Variants in ALK observed in about 807,000 individuals in gnomAD.
ALK encodes ALK tyrosine kinase receptor.
In ALK, 74 loss-of-function variants were observed where a neutral mutation model predicts 163.1. The observed-to-expected ratio is 0.45, with a 90% CI of 0.38 to 0.55. The LOEUF is 0.55. Among genes scored for constraint, ALK ranks in the 20% least tolerant of loss-of-function variants. The pLI is 0.00. For missense variants in ALK, 2,063 were observed against 2,105.3 expected, an observed-to-expected ratio of 0.98 and a Z score of 0.39; for synonymous variants, 960 against 843.2, an observed-to-expected ratio of 1.14 and a Z score of -2.40.
chr2:29,876,736 T>C (rs1666731467), intron 1 of ALK, among the ~76,000 whole-genome samples: 1 of 151,384 alleles, frequency 6.6e-6, no homozygotes, highest in Non-Finnish European at 1.5e-5. Context: ...ATGATGGTGG[T>C]GATGGTAATG....
At chr2:29,836,475 T>C (rs1464046087) in intron 1 of ALK, among the ~76,000 whole-genome samples, 1 of 152,174 alleles carries the variant, frequency 6.6e-6, no homozygotes, top group Non-Finnish European at 1.5e-5. Flanking sequence ...GTGTCAGCAA[T>C]AAGTGTTCAC....
chr2:29,526,303 T>G (rs1672958971), intron 4 of ALK, among the ~76,000 whole-genome samples: 1 of 152,166 alleles, frequency 6.6e-6, no homozygotes, highest in South Asian at 2.1e-4. Flanking sequence ...ATATTGTGTG[T>G]GAAGAATTTC....
At chr2:29,352,829 A>G (rs1668153695) in intron 5 of ALK, among the ~76,000 whole-genome samples, 1 of 152,270 alleles carries the variant, frequency 6.6e-6, no homozygotes, top group Non-Finnish European at 1.5e-5. Flanking sequence ...TGCAAAAATC[A>G]TAACTGATAA....
chr2:29,920,627 C>T lies in ALK; in HGVS notation c.33G>A (p.Pro11=), dbSNP rs774442098. Residue 11 remains proline (P), a synonymous_variant, in exon 1 of 29, where the codon CCG becomes CCA. Transcript: ENST00000389048. MGAIGLLWLL[P]LLLSTAAVGS... ...CCACAGCTGCCGTGGAAAGCAGCAG[C>T]GGCAGGAGCCACAGGAGCCCGATGG... 2 of 1,543,966 alleles carry T rather than the reference C, an allele frequency of 1.3e-6. No homozygotes were observed. Among genetic ancestry groups the T allele is most frequent in the South Asian group, 1.2e-5 (1 of 84,856 alleles).
intron 4 of ALK, among the ~76,000 whole-genome samples, chr2:29,525,803 A>G (rs2148152770): frequency 6.6e-6 from 1 of 151,700 alleles, no homozygotes; most frequent in South Asian, 2.1e-4. Flanking sequence ...AAAAAAAAAA[A>G]AAAAAAAAAA....
At chr2:29,622,353 G>A (rs1676060090) in intron 3 of ALK, among the ~76,000 whole-genome samples, 1 of 152,076 alleles carries the variant, frequency 6.6e-6, no homozygotes. Flanking sequence ...AATCATAATG[G>A]GAGGCAAAAG....
intron 9 of ALK, among the ~76,000 whole-genome samples, chr2:29,290,394 T>C (rs1013724504): frequency 2.0e-5 from 3 of 152,210 alleles, no homozygotes; most frequent in African/African-American, 7.2e-5. Context: ...TCAGCCAGCT[T>C]GTCCAGCAGA....
intron 1 of ALK, among the ~76,000 whole-genome samples, chr2:29,914,826 A>G (rs897285751): frequency 2.0e-5 from 3 of 152,172 alleles, no homozygotes; most frequent in Admixed American, 1.3e-4. Flanking sequence ...TGATTCCCTT[A>G]GTGGAAAGAA....
At chr2:29,690,552 C>A (rs554896215) in intron 3 of ALK, among the ~76,000 whole-genome samples, 21 of 152,168 alleles carry the variant, frequency 1.4e-4, no homozygotes, top group Non-Finnish European at 2.5e-4. Context: ...ACACCGGAAG[C>A]AGTTAGACAT....
At chr2:29,534,543 TG>T (rs2148160914) in intron 3 of ALK, among the ~76,000 whole-genome samples, 1 of 152,320 alleles carries the variant, frequency 6.6e-6, no homozygotes, top group African/African-American at 2.4e-5. Flanking sequence ...AACTGTGTCC[TG>T]GTCTGAGACC....
chr2:29,383,813 G>A lies in ALK; in HGVS notation c.1201C>T (p.Arg401Ter), dbSNP rs865931787. 1.2e-6 allele frequency: 2 copies of A among 1,614,126 alleles called. No individual in the cohort carries two copies. Among genetic ancestry groups the A allele is most frequent in the Non-Finnish European group, 1.7e-6 (2 of 1,179,986 alleles). Reference protein sequence around the residue: ...GRIGRPDNPFRVALEYISSGN... With the variant: ...GRIGRPDNPF ...CTGGAGATGTATTCCAGGGCCACTC[G>A]AAATGGGTTGTCTGGACGCCCGATT... Residue 401 changes from arginine to a stop codon, truncating the protein, a stop_gained, in exon 5 of 29, where the codon CGA becomes TGA. Coordinates refer to ENST00000389048, the MANE Select transcript of ALK (RefSeq NM_004304.5). LOFTEE classifies it high-confidence loss of function.
chr2:29,875,532 G>A (rs528987241), intron 1 of ALK, among the ~76,000 whole-genome samples: 3 of 152,056 alleles, frequency 2.0e-5, no homozygotes, highest in Admixed American at 6.6e-5. Context: ...CATCATCTAG[G>A]TTTTAAGCCC....
intron 1 of ALK, among the ~76,000 whole-genome samples, chr2:29,732,900 G>GT (rs70962236): frequency 3.9e-3 from 568 of 146,656 alleles, no homozygotes; most frequent in African/African-American, 0.013. Context: ...TAGTCTATAG[G>GT]TTTTTTTTTT....
intron 23 of ALK, among the ~76,000 whole-genome samples, chr2:29,216,895 TGTGA>T (rs1340155697): frequency 1.4e-5 from 2 of 141,608 alleles, no homozygotes; most frequent in South Asian, 4.7e-4. Context: ...TGTGATTGGT[TGTGA>T]GTATATGTGG....
intron 3 of ALK, among the ~76,000 whole-genome samples, chr2:29,690,516 A>G (rs980972699): frequency 6.6e-6 from 1 of 152,178 alleles, no homozygotes; most frequent in African/African-American, 2.4e-5. Flanking sequence ...ACTGGAGAAG[A>G]AAAATACCTT....
At chr2:29,575,804 C>G (rs1405434228) in intron 3 of ALK, among the ~76,000 whole-genome samples, 1 of 152,152 alleles carries the variant, frequency 6.6e-6, no homozygotes, top group Non-Finnish European at 1.5e-5. Context: ...AGTGCTGTGG[C>G]CCCAGCATGG....
intron 4 of ALK, among the ~76,000 whole-genome samples, chr2:29,520,766 T>C (rs890797836): frequency 1.3e-5 from 2 of 151,882 alleles, no homozygotes; most frequent in Non-Finnish European, 1.5e-5. Flanking sequence ...TCCAGAGAAA[T>C]GGGGTGAGCC....
Position 29,308,044 on chromosome 2 carries a change from T to C in ALK, c.1647+10260A>G, listed in dbSNP as rs561235677. 1.5e-4 allele frequency among the ~76,000 whole-genome samples: 23 copies of C among 152,196 alleles called. No homozygotes were observed. In the South Asian group the frequency reaches 4.8e-3, roughly 32 times the overall value. On this transcript the variant is annotated intron_variant, in intron 8 of 28. Transcript: ENST00000389048. Reference sequence around the variant, plus strand: ...GTGAGGTTATAAAGTTACAAGTTTTTTTTTTTTCTTCTGTGGTCTTTTCTT... The same window carrying C: ...GTGAGGTTATAAAGTTACAAGTTTTCTTTTTTTCTTCTGTGGTCTTTTCTT...
intron 3 of ALK, among the ~76,000 whole-genome samples, chr2:29,555,444 G>A (rs1168572338): frequency 1.3e-5 from 2 of 151,966 alleles, no homozygotes; most frequent in African/African-American, 4.8e-5. Context: ...GGAAATATGG[G>A]GATTAAATTT....
Sources: gnomAD v4.1 joint callset for allele counts (sites outside exome capture counted in the v4.1 genomes callset) on GRCh38, gnomAD v4.1.1 for gene constraint, MANE v1.5 for transcripts, NCBI Gene and HGNC (gene_info 2026-07-23, HGNC 2026-07-21) for gene names.